The following KLC3 variants were observed in gnomAD, a reference collection of about 807,000 sequenced individuals.
The protein encoded by KLC3 is kinesin light chain 2.
Under a neutral mutation model 62.9 loss-of-function variants are expected in KLC3, and 72 were observed. The ratio of observed to expected loss-of-function variants is 1.15; its 90% CI spans 0.95 to 1.39. KLC3 has a LOEUF of 1.39. Ranked by LOEUF, KLC3 falls within the 40% of genes most tolerant of loss-of-function variation. The pLI is 0.00. For synonymous variants in KLC3, 377 were observed against 300.5 expected, an observed-to-expected ratio of 1.25 and a Z score of -2.63; for missense variants, 848 against 691.6, an observed-to-expected ratio of 1.23 and a Z score of -2.54.
At chr19:45,341,554 G>GGTGTGTGTGTGTGTGTGT (rs773352088) in intron 1 of KLC3, among the ~76,000 whole-genome samples, 45 of 144,104 alleles carry the variant, frequency 3.1e-4, no homozygotes, top group African/African-American at 1.1e-3. Flanking sequence ...TCTGCCTGTT[G>GGTGTGTGTGTGTGTGTGT]GTGTGTGTGT....
chr19:45,346,393 C>G, intron 2 of KLC3, 151 bp from the exon 3 acceptor site: 7 of 713,178 alleles, frequency 9.8e-6, no homozygotes, highest in Non-Finnish European at 1.6e-5. Flanking sequence ...CCTCTGAGGG[C>G]ACTGGGGCCA....
At chr19:45,341,965 G>A (rs1971406035) in intron 1 of KLC3, among the ~76,000 whole-genome samples, 1 of 152,040 alleles carries the variant, frequency 6.6e-6, no homozygotes, top group South Asian at 2.1e-4. Context: ...AGGGATCAGT[G>A]TGTGGGACTG....
rs1278795296 is a variant in KLC3 at position 45,345,738 on chromosome 19, A to T, written c.197A>T (p.Glu66Val). Reference sequence around the variant, plus strand: ...GCAGCCGGCTTGGAGATGCTGGAGGAAAAGCAGCAGGTGGTGAGCCACTCG... The same window carrying T: ...GCAGCCGGCTTGGAGATGCTGGAGGTAAAGCAGCAGGTGGTGAGCCACTCG... ...GPAAGLEMLE[E>V]KQQVVSHSLE... The change falls in exon 2 of 13, where the codon GAA becomes GTA. Residue 66 changes from glutamate to valine, a missense_variant. Glu to Val is a moderately radical substitution (Grantham distance 121). Transcript: ENST00000391946. 1 of 1,558,810 alleles carries T rather than the reference A, an allele frequency of 6.4e-7. No individual in the cohort carries two copies. The highest frequency in any genetic ancestry group is 1.4e-5 in the African/African-American group (1 of 73,576).
chr19:45,346,595 C>A lies in KLC3; in HGVS notation c.310C>A (p.Arg104=). 1 of 1,549,112 alleles carries A rather than the reference C, an allele frequency of 6.5e-7. No individual in the cohort carries two copies. The highest frequency in any genetic ancestry group is 8.7e-7 in the Non-Finnish European group (1 of 1,146,254). The change falls in exon 3 of 13, where the codon CGG becomes AGG. Residue 104 remains arginine (R), a synonymous_variant. Transcript: ENST00000391946. ...GGGTGCACTGGAGGCAGAGAAGCAGCGGCTGCGCTCGCAGGCCCGGCGGCT... is the reference window on the plus strand; with the variant it reads ...GGGTGCACTGGAGGCAGAGAAGCAGAGGCTGCGCTCGCAGGCCCGGCGGCT... The part of the protein sequence containing the change: ...HVGALEAEKQ[R]LRSQARRLAQ...
At position 45,349,399 on chromosome 19, in the gene KLC3, TCCCTCTGACTTGTGAC is replaced by T; in HGVS notation, c.970-25_970-10del. The T allele has an allele frequency of 6.3e-7, 1 of 1,577,134 alleles. No homozygotes were observed. The highest frequency in any genetic ancestry group is 8.6e-7 in the Non-Finnish European group (1 of 1,158,942). ...CACGTGTCCCACCAATCCTGTATGA[TCCCTCTGACTTGTGAC>T]CCCTGGCCCCCAGGTCCTGGGTGCT... is the stretch of plus-strand genomic sequence containing the variant. On this transcript the variant is annotated splice_polypyrimidine_tract_variant and intron_variant, in intron 7 of 12. Coordinates refer to ENST00000391946, the MANE Select transcript of KLC3 (RefSeq NM_177417.3).
At chr19:45,341,474 T>A (rs1275763300) in intron 1 of KLC3, among the ~76,000 whole-genome samples, 1 of 151,582 alleles carries the variant, frequency 6.6e-6, no homozygotes, top group East Asian at 2.0e-4. Flanking sequence ...GCTGTCTTCA[T>A]GGCAGAGAGT....
In KLC3 at chr19:45,348,926, C is replaced by T. The variant is rs1228106883; in HGVS notation, c.969+5C>T. 1 of 1,570,278 alleles carries T rather than the reference C, an allele frequency of 6.4e-7. No individual in the cohort carries two copies. The highest frequency in any genetic ancestry group is 1.2e-5 in the South Asian group (1 of 85,432). ...GCTTTGGAGATCCGAGAGAAGGTCC[C>T]ATCCCCCTCACCCCACCCCGAGGAA... On this transcript the variant is annotated splice_donor_5th_base_variant and intron_variant, in intron 7 of 12. Transcript: ENST00000391946.
chr19:45,341,578 T>TGTGTGTGTGTGTGCGCGCGCAC, intron 1 of KLC3, among the ~76,000 whole-genome samples: 1 of 139,800 alleles, frequency 7.2e-6, no homozygotes, highest in African/African-American at 2.7e-5. Flanking sequence ...TGTGTGTGTG[T>TGTGTGTGTGTGTGCGCGCGCAC]GCGCGCGCGC....
At chr19:45,351,148 AGGAGCAAAGATGGGTT>A (rs1475673553) in intron 12 of KLC3, 122 bp from the exon 13 acceptor site, 2 of 1,594,814 alleles carry the variant, frequency 1.3e-6, no homozygotes, top group Admixed American at 3.4e-5. Context: ...GACCCAGGAC[AGGAGCAAAGATGGGTT>A]TTACTTGGGG....
In KLC3 at chr19:45,350,661, ACT is replaced by A. The variant is rs528482467; in HGVS notation, c.1297_1298del (p.Ser433GlnfsTer4). The A allele has an allele frequency of 3.1e-4, 494 of 1,612,472 alleles. 3 individuals are homozygous for A. In the East Asian group the frequency reaches 0.011, roughly 35 times the overall value. On this transcript the variant is annotated frameshift_variant, in exon 11 of 13. Coordinates refer to ENST00000391946, the MANE Select transcript of KLC3 (RefSeq NM_177417.3). LOFTEE classifies it high-confidence loss of function. The stretch of plus-strand genomic sequence containing the variant: ...CCCAGGCCCTTCGCCGCAGCAGCTC[ACT>A]CTCCAAGATCCGTGAGTCTATCAGG... ...AEQALRRSSS[L>X]SKIRESIRRG...
At position 45,351,501 on chromosome 19, in the gene KLC3, G is replaced by A. The variant is rs572589946; in HGVS notation, c.*144G>A. Reference sequence around the variant, plus strand: ...TAGCTGCCTTCTCCTGCGATTAAAGGCTGTGGACGTGACAGTGAGAAATGT... The same window carrying A: ...TAGCTGCCTTCTCCTGCGATTAAAGACTGTGGACGTGACAGTGAGAAATGT... On this transcript the variant is annotated 3_prime_UTR_variant, in exon 13 of 13. Transcript: ENST00000391946. 4.4e-5 allele frequency: 71 copies of A among 1,595,680 alleles called. No homozygotes were observed. In the African/African-American group the frequency reaches 8.3e-4, roughly 19 times the overall value.
intron 1 of KLC3, among the ~76,000 whole-genome samples, chr19:45,341,578 T>TGTGTGC: frequency 9.9e-4 from 139 of 139,892 alleles, no homozygotes; most frequent in South Asian, 1.6e-3. Context: ...TGTGTGTGTG[T>TGTGTGC]GCGCGCGCGC....
Position 45,349,610 on chromosome 19 carries a change from C to G in KLC3, c.1143+8C>G. 1 of 1,595,720 alleles carries G rather than the reference C, an allele frequency of 6.3e-7. No homozygotes were observed. The highest frequency in any genetic ancestry group is 8.6e-7 in the Non-Finnish European group (1 of 1,168,778). ...AAGACCAAGAACAACCTGGTGAGGC[C>G]CCTGGGGCTCAGAGTGGGCCAAGAG... is the stretch of plus-strand genomic sequence containing the variant. On this transcript the variant is annotated splice_region_variant and intron_variant, in intron 8 of 12. Transcript: ENST00000391946.
intron 7 of KLC3, 55 bp downstream of exon 7, chr19:45,348,976 C>T (rs1429433694): frequency 5.5e-6 from 8 of 1,453,592 alleles, no homozygotes; most frequent in Non-Finnish European, 6.6e-6. Context: ...TAGCCCTCCC[C>T]AGGGATGCTG....
chr19:45,343,957 G>C (rs1971438399), intron 1 of KLC3, among the ~76,000 whole-genome samples: 2 of 151,938 alleles, frequency 1.3e-5, no homozygotes, highest in African/African-American at 4.8e-5. Flanking sequence ...TTCTACCTCA[G>C]CCTCCAGGTA....
intron 1 of KLC3, among the ~76,000 whole-genome samples, chr19:45,344,245 ACT>A (rs1971445098): frequency 8.7e-6 from 1 of 114,288 alleles, no homozygotes; most frequent in Non-Finnish European, 1.8e-5. Context: ...ATGAAGTCTC[ACT>A]CTGTTGCCCA....
rs752672515 is a variant in KLC3, at chr19:45,348,016, A to C, written c.635A>C (p.Asn212Thr). 1.9e-6 allele frequency: 3 copies of C among 1,609,168 alleles called. No homozygotes were observed. In the South Asian group the frequency reaches 3.3e-5, roughly 18 times the overall value. The change falls in exon 5 of 13, where the codon AAC becomes ACC. Residue 212 changes from asparagine (N) to threonine (T), a missense_variant. Coordinates refer to ENST00000391946, the MANE Select transcript of KLC3 (RefSeq NM_177417.3). The stretch of plus-strand genomic sequence containing the variant: ...CCTGCCCGCCTTCGGACCCTGCATA[A>C]CCTCGTGATCCAGTACGCGGGGCAG... ...EIPARLRTLH[N>T]LVIQYAGQGR... is the part of the protein sequence containing the mutation.
At position 45,351,300 on chromosome 19, in the gene KLC3, C is replaced by A. The variant is rs754989575; in HGVS notation, c.1458C>A (p.His486Gln). The change falls in exon 13 of 13, where the codon CAC becomes CAA. Residue 486 changes from histidine (H) to glutamine (Q), a missense_variant. Coordinates refer to ENST00000391946, the MANE Select transcript of KLC3 (RefSeq NM_177417.3). ...CCTGTCTCCAGTTTCCCAGCTGGCA[C>A]CTGGACAAGGCCCCTCGGACCCTCA... is the stretch of plus-strand genomic sequence containing the variant. ...RAPGTQFPSW[H>Q]LDKAPRTLSA... The A allele has an allele frequency of 1.2e-6, 2 of 1,612,692 alleles. No individual in the cohort carries two copies.
chr19:45,350,258 A>AT, intron 8 of KLC3, 83 bp from the exon 9 acceptor site: 12 of 913,916 alleles, frequency 1.3e-5, no homozygotes, highest in Middle Eastern at 2.8e-4. Context: ...CCCTGTCTCT[A>AT]CAAAAAAAAA....
Sources: gnomAD v4.1 joint callset for allele counts (sites outside exome capture counted in the v4.1 genomes callset) on GRCh38, gnomAD v4.1.1 for gene constraint, MANE v1.5 for transcripts, NCBI Gene and HGNC (gene_info 2026-07-23, HGNC 2026-07-21) for gene names.